SLC35F2: variants seen among roughly 807,000 people sequenced by gnomAD.
SLC35F2 encodes the protein solute carrier family 35 member F2.
Under a neutral mutation model 38.1 loss-of-function variants are expected in SLC35F2, and 25 were observed. That is an observed-to-expected ratio of 0.66 (90% CI 0.48 to 0.92). The LOEUF is 0.92. Ranked by LOEUF, SLC35F2 falls within the 40% of genes least tolerant of loss-of-function variation. The probability of loss-of-function intolerance (pLI) is 0.00; values close to 1 mark genes in which losing one functional copy is unlikely to be tolerated. For synonymous variants in SLC35F2, 173 were observed against 181.7 expected (o/e 0.95, Z 0.38); for missense variants, 409 against 452.9 (o/e 0.90, Z 0.88).
At chr11:107,845,209 G>A (rs1421291723) in intron 1 of SLC35F2, among the ~76,000 whole-genome samples, 5 of 152,162 alleles carry the variant, frequency 3.3e-5, no homozygotes, top group African/African-American at 1.2e-4. Context: ...CTGCACCCAT[G>A]CAGCACAACA....
intron 1 of SLC35F2, chr11:107,816,325 A>C: frequency 1.0e-6 from 1 of 978,708 alleles, no homozygotes; most frequent in Non-Finnish European, 1.2e-6. Context: ...TCTATTGCTC[A>C]GGCTAGAGTG....
intron 1 of SLC35F2, among the ~76,000 whole-genome samples, chr11:107,839,460 C>CA (rs56669367): frequency 6.6e-6 from 1 of 151,420 alleles, no homozygotes; most frequent in Non-Finnish European, 1.5e-5. Context: ...GACACCGTTT[C>CA]AAAAAAAGAA....
intron 1 of SLC35F2, among the ~76,000 whole-genome samples, chr11:107,839,867 G>A (rs113847256): frequency 0.021 from 3,126 of 152,220 alleles, 95 homozygotes; most frequent in African/African-American, 0.07. Flanking sequence ...TAGTCAGGCT[G>A]GTCTCAAACT....
intron 1 of SLC35F2, among the ~76,000 whole-genome samples, chr11:107,820,426 G>A (rs1366229821): frequency 6.6e-6 from 1 of 152,082 alleles, no homozygotes; most frequent in African/African-American, 2.4e-5. Flanking sequence ...GGGCCCAGAA[G>A]AGAGTAGTGT....
intron 1 of SLC35F2, among the ~76,000 whole-genome samples, chr11:107,842,464 A>G (rs1236623621): frequency 6.6e-6 from 1 of 151,534 alleles, no homozygotes; most frequent in East Asian, 1.9e-4. Context: ...AGCAGTTCTC[A>G]TGCCTCAGCC....
intron 3 of SLC35F2, among the ~76,000 whole-genome samples, chr11:107,809,257 G>A (rs1405409486): frequency 2.7e-5 from 4 of 150,416 alleles, no homozygotes; most frequent in African/African-American, 9.8e-5. Flanking sequence ...GCCAAGGCCG[G>A]AGGATCACTT....
rs759192673 is a variant in SLC35F2, at chr11:107,792,600, C to T, written c.*15G>A. ...GCTTTATCCTGGTGGGGGATGGGTG[C>T]GCCATCTTCTCCAGCTACAAGACAG... is the stretch of plus-strand genomic sequence containing the variant. On this transcript the variant is annotated 3_prime_UTR_variant, in exon 8 of 8. Transcript: ENST00000525815. 38 of 1,591,300 alleles carry T rather than the reference C, an allele frequency of 2.4e-5. No homozygotes were observed. The highest frequency in any genetic ancestry group is 2.2e-4 in the Middle Eastern group (1 of 4,616).
chr11:107,794,361 G>C (rs564091202), intron 7 of SLC35F2, among the ~76,000 whole-genome samples: 78 of 152,186 alleles, frequency 5.1e-4, no homozygotes, highest in Non-Finnish European at 1.8e-4. Flanking sequence ...TTACAGGCGT[G>C]AGCTACCACG....
At chr11:107,834,215 G>C (rs1231235177) in intron 1 of SLC35F2, among the ~76,000 whole-genome samples, 1 of 152,226 alleles carries the variant, frequency 6.6e-6, no homozygotes, top group Admixed American at 6.5e-5. Flanking sequence ...TTCCCAGCTA[G>C]AGAGTCTTAT....
chr11:107,837,644 G>C (rs1859951723), intron 1 of SLC35F2, among the ~76,000 whole-genome samples: 1 of 152,024 alleles, frequency 6.6e-6, no homozygotes, highest in Non-Finnish European at 1.5e-5. Context: ...CAGTGAGCTG[G>C]GATGGCACCA....
chr11:107,843,868 A>AAAATAT (rs1860058583), intron 1 of SLC35F2, among the ~76,000 whole-genome samples: 3 of 46,862 alleles, frequency 6.4e-5, no homozygotes, highest in African/African-American at 1.8e-4. Flanking sequence ...AAAAAAAAAA[A>AAAATAT]ATATATATAT....
chr11:107,843,869 ATATATATATATATATATAT>A (rs771836744), intron 1 of SLC35F2, among the ~76,000 whole-genome samples: 497 of 37,660 alleles, frequency 0.013, 40 homozygotes, highest in Middle Eastern at 0.018. Context: ...AAAAAAAAAA[ATATATATATATATATATAT>A]ATATATATAT....
At chr11:107,852,601 G>T (rs2134864870) in intron 1 of SLC35F2, among the ~76,000 whole-genome samples, 1 of 152,052 alleles carries the variant, frequency 6.6e-6, no homozygotes, top group African/African-American at 2.4e-5. Flanking sequence ...TGGGCGCAGT[G>T]GCTCATGCCT....
chr11:107,798,667 G>A (rs887131851), intron 7 of SLC35F2, among the ~76,000 whole-genome samples: 22 of 152,176 alleles, frequency 1.4e-4, no homozygotes, highest in African/African-American at 4.6e-4. Context: ...ACGGATGAGC[G>A]TAAAAAATTC....
At chr11:107,851,172 AG>A (rs1860178400) in intron 1 of SLC35F2, among the ~76,000 whole-genome samples, 1 of 151,922 alleles carries the variant, frequency 6.6e-6, no homozygotes, top group Non-Finnish European at 1.5e-5. Flanking sequence ...CTGAAGCAGG[AG>A]AATCTCTTGA....
intron 1 of SLC35F2, among the ~76,000 whole-genome samples, chr11:107,841,802 T>C (rs568483518): frequency 1.3e-5 from 2 of 152,108 alleles, no homozygotes; most frequent in South Asian, 2.1e-4. Flanking sequence ...CAAAACCCTG[T>C]CTCTACTAAA....
At chr11:107,843,537 C>T (rs1047670801) in intron 1 of SLC35F2, among the ~76,000 whole-genome samples, 1 of 143,480 alleles carries the variant, frequency 7.0e-6, no homozygotes, top group Non-Finnish European at 1.5e-5. Flanking sequence ...GCAACAAAAG[C>T]GAAACTTTGT....
chr11:107,808,164 A>G (rs1055889847), intron 3 of SLC35F2, among the ~76,000 whole-genome samples: 7 of 152,102 alleles, frequency 4.6e-5, no homozygotes, highest in Non-Finnish European at 8.8e-5. Flanking sequence ...AAAGCGTCCA[A>G]CCCCACCATG....
chr11:107,825,797 G>A (rs1014466686), intron 1 of SLC35F2, among the ~76,000 whole-genome samples: 8 of 152,268 alleles, frequency 5.3e-5, no homozygotes, highest in East Asian at 1.9e-4. Flanking sequence ...TTAGGAATCC[G>A]TGGAAGAAGT....
Sources: gnomAD v4.1 joint callset for allele counts (sites outside exome capture counted in the v4.1 genomes callset) on GRCh38, gnomAD v4.1.1 for gene constraint, MANE v1.5 for transcripts, NCBI Gene and HGNC (gene_info 2026-07-23, HGNC 2026-07-21) for gene names.